TTLL9: variants seen among roughly 807,000 people sequenced by gnomAD.
TTLL9 encodes the protein tubulin tyrosine ligase like 9.
In TTLL9, 47 loss-of-function variants were observed where a neutral mutation model predicts 65.6. The observed-to-expected ratio is 0.72, with a 90% CI of 0.57 to 0.91. The LOEUF (loss-of-function observed/expected upper bound fraction) is 0.91, where lower values mean the gene tolerates loss of function less well. TTLL9 is among the 40% of genes least tolerant of loss of function. The probability of loss-of-function intolerance (pLI) is 0.00; values close to 1 mark genes in which losing one functional copy is unlikely to be tolerated. For synonymous variants in TTLL9, 179 were observed against 204.8 expected (o/e 0.87, Z 1.07); for missense variants, 537 against 568.8 (o/e 0.94, Z 0.57).
chr20:31,876,734 C>G (rs1041848985), intron 2 of TTLL9, among the ~76,000 whole-genome samples: 54 of 152,082 alleles, frequency 3.6e-4, no homozygotes, highest in African/African-American at 1.3e-3. Flanking sequence ...TGAGATATTG[C>G]CAAATTGCCT....
chr20:31,871,959 G>A (rs1398946316), intron 2 of TTLL9, among the ~76,000 whole-genome samples: 1 of 150,214 alleles, frequency 6.7e-6, no homozygotes, highest in East Asian at 1.9e-4. Context: ...CTATAAATGA[G>A]ATATTTTATA....
rs1301804002 is a variant in TTLL9 at position 31,944,499 on chromosome 20, G to GTGCT, written c.*1482_*1485dup. 1 of 152,412 alleles carries GTGCT rather than the reference G, an allele frequency of 6.6e-6. No individual in the cohort carries two copies. The highest frequency in any genetic ancestry group is 6.5e-5 in the Admixed American group (1 of 15,306). The allele number at this position is 152,412 out of a possible 1,614,324, so 9.4% of individuals were successfully genotyped here. Reference sequence around the variant, plus strand: ...GGTGCTGTTCTGAGGGAATCACACTGTGCTTGCACAAAAATTATTAGCTTA... The same window carrying GTGCT: ...GGTGCTGTTCTGAGGGAATCACACTGTGCTTGCTTGCACAAAAATTATTAGCTTA... On this transcript the variant is annotated 3_prime_UTR_variant, in exon 15 of 15. Transcript: ENST00000535842.
rs138904340 is a variant in TTLL9, at chr20:31,891,615, C to T, written c.113+4376C>T. Among the ~76,000 whole-genome samples, 401 of 152,100 alleles carry T rather than the reference C, an allele frequency of 2.6e-3. 4 individuals carry two copies. The highest frequency in any genetic ancestry group is 9.4e-3 in the African/African-American group (390 of 41,474). On this transcript the variant is annotated intron_variant, in intron 3 of 14. Coordinates refer to ENST00000535842, the MANE Select transcript of TTLL9 (RefSeq NM_001008409.5). ...TTGGCCTCCCAAAGTGCTGGGATTACAGGCATGAGCCACCATGCCCAGCCT... is the reference window on the plus strand; with the variant it reads ...TTGGCCTCCCAAAGTGCTGGGATTATAGGCATGAGCCACCATGCCCAGCCT...
intron 7 of TTLL9, 75 bp downstream of exon 7, chr20:31,920,007 C>T: frequency 2.3e-6 from 3 of 1,329,976 alleles, no homozygotes; most frequent in Non-Finnish European, 3.0e-6. Context: ...CTCCTTCCTG[C>T]AATCAAAGCT....
At chr20:31,910,272 T>C (rs1248950376) in intron 6 of TTLL9, among the ~76,000 whole-genome samples, 1 of 152,190 alleles carries the variant, frequency 6.6e-6, no homozygotes, top group Admixed American at 6.5e-5. Flanking sequence ...AATGAAGAAC[T>C]TGAGGCTTGC....
At chr20:31,901,073 A>G (rs970843148) in intron 4 of TTLL9, among the ~76,000 whole-genome samples, 8 of 152,246 alleles carry the variant, frequency 5.3e-5, no homozygotes, top group Non-Finnish European at 1.0e-4. Flanking sequence ...TGGAATTTCC[A>G]GACAGAATCA....
chr20:31,929,752 T>C (rs1222319573), intron 10 of TTLL9, among the ~76,000 whole-genome samples: 1 of 152,194 alleles, frequency 6.6e-6, no homozygotes. Context: ...AGTATTAAGA[T>C]TTTTCCTTTG....
intron 4 of TTLL9, among the ~76,000 whole-genome samples, chr20:31,900,721 T>A (rs2063465692): frequency 1.3e-5 from 2 of 151,900 alleles, no homozygotes; most frequent in South Asian, 4.2e-4. Context: ...AGAGAACGGG[T>A]GTCATGAAAA....
At chr20:31,909,715 G>T in intron 5 of TTLL9, 22 bp from the exon 6 acceptor site, 1 of 1,609,240 alleles carries the variant, frequency 6.2e-7, no homozygotes, top group Non-Finnish European at 8.5e-7. Context: ...GCTAATGGCC[G>T]CCTGTCCTTC....
chr20:31,873,853 AAAGAAAGAAAGAAAGAAAG>A (rs1471532590), intron 2 of TTLL9, among the ~76,000 whole-genome samples: 6 of 150,624 alleles, frequency 4.0e-5, no homozygotes, highest in Non-Finnish European at 8.9e-5. Context: ...AGAAAGAAAG[AAAGAAAGAAAGAAAGAAAG>A]AAAGAAAGAA....
intron 6 of TTLL9, among the ~76,000 whole-genome samples, chr20:31,915,757 T>G (rs373237956): frequency 1.3e-5 from 2 of 151,966 alleles, no homozygotes; most frequent in South Asian, 2.1e-4. Context: ...AGGGTGTGTG[T>G]TTTTTTTCAA....
chr20:31,923,791 C>T (rs1480626907), intron 8 of TTLL9, among the ~76,000 whole-genome samples: 2 of 152,054 alleles, frequency 1.3e-5, no homozygotes, highest in Non-Finnish European at 2.9e-5. Flanking sequence ...CAATTACCTT[C>T]CCCAGGGGGC....
At chr20:31,891,418 C>T (rs755185831) in intron 3 of TTLL9, among the ~76,000 whole-genome samples, 2 of 151,678 alleles carry the variant, frequency 1.3e-5, no homozygotes, top group Admixed American at 6.6e-5. Context: ...ATCTCTTTGT[C>T]GTTTCGGGTC....
intron 4 of TTLL9, among the ~76,000 whole-genome samples, chr20:31,905,978 A>T (rs1190302899): frequency 7.0e-6 from 1 of 142,086 alleles, no homozygotes; most frequent in Non-Finnish European, 1.5e-5. Flanking sequence ...GGTTGCGGTG[A>T]GTCGAGATCG....
intron 6 of TTLL9, among the ~76,000 whole-genome samples, chr20:31,911,854 G>GTA (rs1259307920): frequency 2.0e-5 from 3 of 151,028 alleles, no homozygotes; most frequent in Middle Eastern, 6.8e-3. Context: ...GTGTGTGTGT[G>GTA]TGTGTGTGTG....
rs200635762 is a variant in TTLL9 at position 31,887,236 on chromosome 20, A to G, written c.110A>G (p.Glu37Gly). Reference sequence around the variant, plus strand: ...GGCCATGGATTGTCAAAGGGAAAAGAGCGGTGAGTGGTCCCATCCAATCCA... The same window carrying G: ...GGCCATGGATTGTCAAAGGGAAAAGGGCGGTGAGTGGTCCCATCCAATCCA... ...YKGHGLSKGK[E>G]REQRASIRFK... The change falls in exon 3 of 15, where the codon GAG becomes GGG. Residue 37 changes from glutamate to glycine, a missense_variant. Around this residue, in one of 3 missense-constraint regions of TTLL9, gnomAD observed 320 missense variants for 311.0 expected, o/e 1.03. Coordinates refer to ENST00000535842, the MANE Select transcript of TTLL9 (RefSeq NM_001008409.5). 6.2e-7 allele frequency: 1 copy of G among 1,614,182 alleles called. No homozygotes were observed. The highest frequency in any genetic ancestry group is 1.7e-5 in the Admixed American group (1 of 60,030).
chr20:31,915,809 A>G (rs1035048926), intron 6 of TTLL9, among the ~76,000 whole-genome samples: 17 of 152,054 alleles, frequency 1.1e-4, no homozygotes, highest in African/African-American at 3.9e-4. Flanking sequence ...TGTCTGGCAC[A>G]GAGTAAACAC....
chr20:31,881,071 C>G (rs1299486853), intron 2 of TTLL9, among the ~76,000 whole-genome samples: 1 of 151,784 alleles, frequency 6.6e-6, no homozygotes, highest in Admixed American at 6.6e-5. Flanking sequence ...GCTATGTTGC[C>G]CAGCCTTGTC....
In TTLL9 at chr20:31,879,689, T is replaced by C. The variant is rs1600516372; in HGVS notation, c.70-7507T>C. Reference sequence around the variant, plus strand: ...GAAAGGTTGAGGAAGTCGGGGGACCTAGGCTGCCAGGACGCCCAATAGCCT... The same window carrying C: ...GAAAGGTTGAGGAAGTCGGGGGACCCAGGCTGCCAGGACGCCCAATAGCCT... On this transcript the variant is annotated intron_variant, in intron 2 of 14. Coordinates refer to ENST00000535842, the MANE Select transcript of TTLL9 (RefSeq NM_001008409.5). The C allele has an allele frequency of 1.9e-5, 16 of 826,828 alleles. No homozygotes were observed. The East Asian group carries it at 2.8e-4, about 14-fold the overall frequency. The allele number at this position is 826,828 out of a possible 1,614,324, so 51.2% of individuals were successfully genotyped here.
Sources: allele counts gnomAD v4.1 joint callset (sites outside exome capture counted in the v4.1 genomes callset), GRCh38; gene constraint gnomAD v4.1.1; regional missense constraint gnomAD v4.1.1; transcripts MANE v1.5; gene names NCBI Gene and HGNC (gene_info 2026-07-23, HGNC 2026-07-21).